ATXN1: variants seen among roughly 807,000 people sequenced by gnomAD.
ATXN1 encodes ataxin 1.
A neutral mutation model predicts 56.4 loss-of-function variants in ATXN1; 8 were observed. The observed-to-expected ratio is 0.14, with a 90% CI of 0.08 to 0.26. The LOEUF is 0.26. ATXN1 is among the 10% of genes least tolerant of loss of function. The pLI is 1.00. For synonymous variants in ATXN1, 514 were observed against 494.6 expected, an observed-to-expected ratio of 1.04 and a Z score of -0.52; for missense variants, 987 against 1,106.5, an observed-to-expected ratio of 0.89 and a Z score of 1.53.
rs56277549 is a variant in ATXN1, at chr6:16,454,125, C to CAAAAAAA, written c.-161+31840_-161+31846dup. 2.9e-3 allele frequency among the ~76,000 whole-genome samples: 223 copies of CAAAAAAA among 76,558 alleles called. 15 individuals carry two copies. Among genetic ancestry groups the CAAAAAAA allele is most frequent in the East Asian group, 0.016 (31 of 1,966 alleles). The allele number at this position is 76,558 out of a possible 152,430, so 50.2% of individuals were successfully genotyped here. A position where few individuals can be genotyped will look rare whatever the true frequency, so the allele number is the denominator to read the frequency against. On this transcript the variant is annotated intron_variant, in intron 6 of 7. Transcript: ENST00000436367. Reference sequence around the variant, plus strand: ...GGGCAATAAGAGCGAGACTCTGTCTCAAAAAAAAAAAAAAAAAAAAAAAAA... The same window carrying CAAAAAAA: ...GGGCAATAAGAGCGAGACTCTGTCTCAAAAAAAAAAAAAAAAAAAAAAAAAAAAAAAA...
chr6:16,626,963 A>G (rs186275642), intron 3 of ATXN1, among the ~76,000 whole-genome samples: 76 of 152,302 alleles, frequency 5.0e-4, no homozygotes, highest in African/African-American at 1.8e-3. Context: ...CTAGAATCAT[A>G]AGAAAATAAG....
intron 3 of ATXN1, among the ~76,000 whole-genome samples, chr6:16,599,985 C>CA (rs1351376226): frequency 2.0e-5 from 3 of 152,170 alleles, no homozygotes; most frequent in African/African-American, 7.2e-5. Context: ...AGGTGGGAAA[C>CA]AATGTGTGTC....
At chr6:16,632,992 C>A (rs1332457158) in intron 3 of ATXN1, among the ~76,000 whole-genome samples, 1 of 110,772 alleles carries the variant, frequency 9.0e-6, no homozygotes. Flanking sequence ...AGCAAAACTC[C>A]GCCTCAAAAA....
rs530237697 is a variant in ATXN1, at chr6:16,501,973, G to A, written c.-298-15864C>T. ...AGCATTCCTATTTCTCCACAGCCTC[G>A]CCAGCATCTATTAGGAAACTGGAAG... On this transcript the variant is annotated intron_variant, in intron 5 of 7. Coordinates refer to ENST00000436367, the MANE Select transcript of ATXN1 (RefSeq NM_001128164.2). Among the ~76,000 whole-genome samples the A allele has an allele frequency of 4.6e-5, 7 of 152,178 alleles. No homozygotes were observed. In the East Asian group the frequency reaches 7.7e-4, roughly 17 times the overall value.
intron 4 of ATXN1, among the ~76,000 whole-genome samples, chr6:16,584,633 A>ACGC (rs1554117719): frequency 5.5e-5 from 8 of 145,938 alleles, no homozygotes; most frequent in African/African-American, 2.1e-4. Flanking sequence ...CTTACAAATG[A>ACGC]CCCCCCCCAC....
At chr6:16,708,755 G>T (rs865870902) in intron 2 of ATXN1, among the ~76,000 whole-genome samples, 7 of 152,338 alleles carry the variant, frequency 4.6e-5, no homozygotes, top group South Asian at 4.1e-4. Flanking sequence ...GCCAGGCACG[G>T]TGTCTCATGC....
In ATXN1 at chr6:16,481,386, G is replaced by A. The variant is rs181105840; in HGVS notation, c.-161+4586C>T. Reference sequence around the variant, plus strand: ...TCCCAGATTGCTCTTATTAGAGTGTGCGTGTGTGTGCAATTCTCTTAGTCT... The same window carrying A: ...TCCCAGATTGCTCTTATTAGAGTGTACGTGTGTGTGCAATTCTCTTAGTCT... On this transcript the variant is annotated intron_variant, in intron 6 of 7. Transcript: ENST00000436367. Among the ~76,000 whole-genome samples, 232 of 152,158 alleles carry A rather than the reference G, an allele frequency of 1.5e-3. 6 individuals are homozygous for A. In the East Asian group the frequency reaches 0.038, roughly 25 times the overall value.
chr6:16,365,745 T>C (rs934351811), intron 6 of ATXN1, among the ~76,000 whole-genome samples: 1 of 152,238 alleles, frequency 6.6e-6, no homozygotes, highest in Non-Finnish European at 1.5e-5. Flanking sequence ...ACAATGGGAA[T>C]CTGCCTGGAC....
intron 6 of ATXN1, among the ~76,000 whole-genome samples, chr6:16,448,589 A>G (rs1178239799): frequency 6.6e-6 from 1 of 152,220 alleles, no homozygotes; most frequent in Non-Finnish European, 1.5e-5. Flanking sequence ...CTCAAACTGC[A>G]GCACCTATGA....
rs569902273 is a variant in ATXN1 at position 16,603,069 on chromosome 6, A to C, written c.-488-17162T>G. ...TCTTTCTAAGTGCCGATAAAATAAA[A>C]GATAAAAGCAGCCGACTGGGATTGA... is the stretch of plus-strand genomic sequence containing the variant. On this transcript the variant is annotated intron_variant, in intron 3 of 7. Coordinates refer to ENST00000436367, the MANE Select transcript of ATXN1 (RefSeq NM_001128164.2). Among the ~76,000 whole-genome samples, 34 of 152,340 alleles carry C rather than the reference A, an allele frequency of 2.2e-4. 1 individual carries two copies. The South Asian group carries it at 6.8e-3, about 31-fold the overall frequency.
Position 16,672,024 on chromosome 6 carries a change from G to T in ATXN1, c.-614-14123C>A, listed in dbSNP as rs140270335. Among the ~76,000 whole-genome samples, 6 of 152,234 alleles carry T rather than the reference G, an allele frequency of 3.9e-5. No homozygotes were observed. In the East Asian group the frequency reaches 9.6e-4, roughly 24 times the overall value. On this transcript the variant is annotated intron_variant, in intron 2 of 7. Transcript: ENST00000436367. ...GAGCCAAGGACCTTTTATGTTAAAT[G>T]AATCACAGGAGGGTGCTCGTTAAAA... is the stretch of plus-strand genomic sequence containing the variant.
At chr6:16,522,391 C>G (rs538876030) in intron 5 of ATXN1, among the ~76,000 whole-genome samples, 1 of 152,030 alleles carries the variant, frequency 6.6e-6, no homozygotes, top group Admixed American at 6.5e-5. Context: ...TGACCTCGCA[C>G]GAGGCAAAGC....
chr6:16,584,131 G>C (rs1224621795), intron 4 of ATXN1, among the ~76,000 whole-genome samples: 3 of 150,934 alleles, frequency 2.0e-5, no homozygotes, highest in Non-Finnish European at 3.0e-5. Flanking sequence ...TGGAATTTGA[G>C]CCCAGGCAGC....
At chr6:16,317,218 A>G (rs973202536) in intron 7 of ATXN1, among the ~76,000 whole-genome samples, 1 of 152,214 alleles carries the variant, frequency 6.6e-6, no homozygotes. Flanking sequence ...AGCACGTTAC[A>G]TAACGCCAGA....
intron 6 of ATXN1, among the ~76,000 whole-genome samples, chr6:16,367,636 G>C (rs767059854): frequency 1.3e-5 from 2 of 152,040 alleles, no homozygotes; most frequent in African/African-American, 4.8e-5. Context: ...CTTTTCCTTA[G>C]AAGTAGAAAC....
At chr6:16,429,907 T>C (rs555333669) in intron 6 of ATXN1, among the ~76,000 whole-genome samples, 1 of 152,326 alleles carries the variant, frequency 6.6e-6, no homozygotes, top group African/African-American at 2.4e-5. Context: ...AACCCAAGTC[T>C]GTGGATTCCT....
chr6:16,662,022 G>A (rs554675358), intron 2 of ATXN1, among the ~76,000 whole-genome samples: 1 of 152,340 alleles, frequency 6.6e-6, no homozygotes, highest in Non-Finnish European at 1.5e-5. Context: ...CACAGCAGTA[G>A]ATAACTACTA....
chr6:16,416,155 C>A (rs1581747295), intron 6 of ATXN1, among the ~76,000 whole-genome samples: 1 of 146,160 alleles, frequency 6.8e-6, no homozygotes, highest in Non-Finnish European at 1.5e-5. Context: ...GTGCTGATAA[C>A]AAATGGTCAT....
chr6:16,570,784 A>G (rs1301276152), intron 4 of ATXN1, among the ~76,000 whole-genome samples: 1 of 152,196 alleles, frequency 6.6e-6, no homozygotes, highest in Non-Finnish European at 1.5e-5. Flanking sequence ...GGTACAATAA[A>G]AACTAAGTTA....
Sources: allele counts gnomAD v4.1 joint callset (sites outside exome capture counted in the v4.1 genomes callset), GRCh38; gene constraint gnomAD v4.1.1; transcripts MANE v1.5; gene names NCBI Gene and HGNC (gene_info 2026-07-23, HGNC 2026-07-21).